ENTREP2: variants seen among roughly 807,000 people sequenced by gnomAD.
ENTREP2 encodes the protein endosomal transmembrane epsin interactor 2.
the ENTREP2 span, among the ~76,000 whole-genome samples, chr15:29,251,619 C>A: frequency 6.6e-6 from 1 of 151,808 alleles, no homozygotes; most frequent in South Asian, 2.1e-4. Flanking sequence ...TAACGTGGCC[C>A]GAGGAAGCCA....
chr15:29,612,487 C>T, the ENTREP2 span: 1 of 148,010 alleles, frequency 6.8e-6, no homozygotes, highest in Admixed American at 6.7e-5. Flanking sequence ...CTTCAGCCTG[C>T]TACCAGCAGA....
At chr15:29,336,431 C>G in the ENTREP2 span, among the ~76,000 whole-genome samples, 4 of 151,866 alleles carry the variant, frequency 2.6e-5, no homozygotes, top group African/African-American at 9.7e-5. Context: ...CCCACCTTGC[C>G]TCCCAAGCAG....
chr15:29,432,852 C>T, the ENTREP2 span, among the ~76,000 whole-genome samples: 1 of 152,104 alleles, frequency 6.6e-6, no homozygotes, highest in African/African-American at 2.4e-5. Context: ...AGTTGGCCGG[C>T]TCCACTGCTG....
At chr15:29,670,496 C>T in the ENTREP2 span, among the ~76,000 whole-genome samples, 11 of 152,244 alleles carry the variant, frequency 7.2e-5, no homozygotes, top group East Asian at 1.9e-4. Context: ...AATATGCTCT[C>T]GACTTACAAT....
chr15:29,195,388 G>A, the ENTREP2 span: 2 of 940,248 alleles, frequency 2.1e-6, no homozygotes, highest in East Asian at 1.2e-4. Flanking sequence ...CCCCAGATCC[G>A]AGGTGGCTCT....
At chr15:29,586,657 G>C in the ENTREP2 span, among the ~76,000 whole-genome samples, 4 of 151,618 alleles carry the variant, frequency 2.6e-5, no homozygotes, top group Non-Finnish European at 5.9e-5. Flanking sequence ...GCTGAGACAC[G>C]AGAATCACTT....
At chr15:29,197,447 A>G in the ENTREP2 span, among the ~76,000 whole-genome samples, 1 of 152,170 alleles carries the variant, frequency 6.6e-6, no homozygotes, top group Non-Finnish European at 1.5e-5. Context: ...ATAAAAAATA[A>G]TAAAGTCCTA....
the ENTREP2 span, chr15:29,118,047 T>C: frequency 6.6e-6 from 1 of 152,570 alleles, no homozygotes; most frequent in East Asian, 1.9e-4. Context: ...CGTGGCGCAG[T>C]GGCCCTGAGC....
the ENTREP2 span, among the ~76,000 whole-genome samples, chr15:29,509,233 T>C: frequency 2.6e-5 from 4 of 152,136 alleles, no homozygotes; most frequent in Non-Finnish European, 5.9e-5. Flanking sequence ...TACAAACCAC[T>C]GCTCAAGGAA....
the ENTREP2 span, among the ~76,000 whole-genome samples, chr15:29,384,107 G>T: frequency 1.3e-5 from 2 of 152,090 alleles, no homozygotes; most frequent in Admixed American, 6.6e-5. Flanking sequence ...TGAACCCAGT[G>T]GGCACACCAT....
chr15:29,624,405 C>T, the ENTREP2 span, among the ~76,000 whole-genome samples: 13 of 152,108 alleles, frequency 8.5e-5, no homozygotes, highest in South Asian at 6.2e-4. Flanking sequence ...GGCCCTTAAC[C>T]GAATGTGTGA....
At chr15:29,384,657 T>C in the ENTREP2 span, among the ~76,000 whole-genome samples, 56 of 152,248 alleles carry the variant, frequency 3.7e-4, no homozygotes, top group African/African-American at 1.3e-3. Context: ...GCAGCCACTG[T>C]GTGACTCACC....
At chr15:29,598,845 C>T in the ENTREP2 span, among the ~76,000 whole-genome samples, 1 of 152,128 alleles carries the variant, frequency 6.6e-6, no homozygotes, top group African/African-American at 2.4e-5. Context: ...TACAGGCGCC[C>T]GCCACCGCGC....
chr15:29,665,825 G>T, the ENTREP2 span, among the ~76,000 whole-genome samples: 1 of 151,700 alleles, frequency 6.6e-6, no homozygotes, highest in Admixed American at 6.6e-5. Flanking sequence ...GTGTATGTTA[G>T]GAATGCAAGG....
At chr15:29,121,038 T>A in the ENTREP2 span, 2 of 152,360 alleles carry the variant, frequency 1.3e-5, no homozygotes, top group African/African-American at 4.8e-5. Context: ...ACCCCGTCCC[T>A]GACTGCCTCA....
At chr15:29,327,533 T>C in the ENTREP2 span, among the ~76,000 whole-genome samples, 1 of 149,328 alleles carries the variant, frequency 6.7e-6, no homozygotes, top group Non-Finnish European at 1.5e-5. Context: ...AGGTAGAGCT[T>C]GCAGTGAGCC....
the ENTREP2 span, among the ~76,000 whole-genome samples, chr15:29,659,869 G>A: frequency 6.6e-6 from 1 of 151,770 alleles, no homozygotes; most frequent in Admixed American, 6.6e-5. Flanking sequence ...CTATATGTCA[G>A]CTCACTGCAA....
At chr15:29,655,896 A>G in the ENTREP2 span, among the ~76,000 whole-genome samples, 1 of 151,930 alleles carries the variant, frequency 6.6e-6, no homozygotes, top group East Asian at 1.9e-4. Flanking sequence ...GCAGCGGTGC[A>G]TGCCTGTAAT....
chr15:29,368,462 A>T, the ENTREP2 span, among the ~76,000 whole-genome samples: 2 of 152,112 alleles, frequency 1.3e-5, no homozygotes, highest in Non-Finnish European at 2.9e-5. Context: ...AAAGACTTTA[A>T]ATCAGTTATT....
Sources: allele counts gnomAD v4.1 joint callset (sites outside exome capture counted in the v4.1 genomes callset), GRCh38; gene constraint gnomAD v4.1.1; transcripts MANE v1.5; gene names NCBI Gene and HGNC (gene_info 2026-07-23, HGNC 2026-07-21).